PCDH9: variants seen among roughly 807,000 people sequenced by gnomAD.
The protein encoded by PCDH9 is protocadherin-9.
Under a neutral mutation model 70.6 loss-of-function variants are expected in PCDH9, and 24 were observed. That is an observed-to-expected ratio of 0.34 (90% CI 0.25 to 0.48). The LOEUF is 0.48. PCDH9 is among the 20% of genes least tolerant of loss of function. PCDH9 has a pLI of 0.99. For synonymous variants in PCDH9, 562 were observed against 558.5 expected (o/e 1.01, Z -0.09); for missense variants, 1,281 against 1,503.6 (o/e 0.85, Z 2.45).
chr13:66,807,273 C>T (rs563157771), intron 3 of PCDH9, among the ~76,000 whole-genome samples: 4 of 152,122 alleles, frequency 2.6e-5, no homozygotes, highest in Non-Finnish European at 5.9e-5. Flanking sequence ...ATCATTCCAG[C>T]CTACAGATTC....
At position 67,227,931 on chromosome 13, in the gene PCDH9, G is replaced by A; in HGVS notation, c.510C>T (p.Asp170=). The change falls in exon 2 of 5, where the codon GAC becomes GAT. Residue 170 remains aspartate, a synonymous_variant. Coordinates refer to ENST00000377865, the MANE Select transcript of PCDH9 (RefSeq NM_203487.3). This position sits in a 1 kb window ranked among gnomAD's most constrained non-coding sequence, Gnocchi z 4.6. ...AATGCTGTACACCATTGAAGCCTGT[G>A]TCAGGATCTGTTGCTGATGGAATTG... ...RFPIPSATDP[D]TGFNGVQHYE... 1 of 1,614,108 alleles carries A rather than the reference G, an allele frequency of 6.2e-7. No homozygotes were observed. The highest frequency in any genetic ancestry group is 1.1e-5 in the South Asian group (1 of 91,086).
intron 3 of PCDH9, among the ~76,000 whole-genome samples, chr13:66,715,112 G>A (rs1338292267): frequency 2.0e-5 from 3 of 152,094 alleles, no homozygotes; most frequent in Non-Finnish European, 1.5e-5. Flanking sequence ...GATTGTACCT[G>A]TCATATCTAG....
At chr13:66,618,020 T>G (rs2077379759) in intron 4 of PCDH9, among the ~76,000 whole-genome samples, 1 of 152,064 alleles carries the variant, frequency 6.6e-6, no homozygotes, top group Non-Finnish European at 1.5e-5. Context: ...CTCGGGAAGT[T>G]CATGTTTGTA....
intron 3 of PCDH9, among the ~76,000 whole-genome samples, chr13:66,754,951 G>A (rs547472186): frequency 6.6e-6 from 1 of 152,102 alleles, no homozygotes; most frequent in South Asian, 2.1e-4. Flanking sequence ...CTTATCAACA[G>A]GGAAAAAATT....
At chr13:66,824,651 GATATATATATATATATAT>G (rs67211029) in intron 3 of PCDH9, among the ~76,000 whole-genome samples, 67 of 99,074 alleles carry the variant, frequency 6.8e-4, no homozygotes, top group South Asian at 2.1e-3. Flanking sequence ...GCGAAACTCT[GATATATATATATATATAT>G]ATATATATAT....
At chr13:66,949,028 A>G (rs2083135664) in intron 2 of PCDH9, among the ~76,000 whole-genome samples, 1 of 152,042 alleles carries the variant, frequency 6.6e-6, no homozygotes, top group African/African-American at 2.4e-5. Flanking sequence ...ACTTCTCTTA[A>G]TCTTTTCAGT....
chr13:66,605,594 A>G (rs2077212972), intron 4 of PCDH9, among the ~76,000 whole-genome samples: 1 of 152,206 alleles, frequency 6.6e-6, no homozygotes, highest in African/African-American at 2.4e-5. Flanking sequence ...TGTTCTGTTC[A>G]GCCTTCAGCT....
intron 4 of PCDH9, among the ~76,000 whole-genome samples, chr13:66,481,198 A>G (rs562043420): frequency 6.6e-6 from 1 of 152,080 alleles, no homozygotes; most frequent in East Asian, 1.9e-4. Context: ...AGAAATACCT[A>G]ATGCAAATGA....
chr13:67,069,225 T>C (rs932941923), intron 2 of PCDH9, among the ~76,000 whole-genome samples: 3 of 152,124 alleles, frequency 2.0e-5, no homozygotes, highest in African/African-American at 7.2e-5. Flanking sequence ...ACTACAAATA[T>C]GCTTTTTCAA....
chr13:67,107,103 C>G (rs916142388), intron 2 of PCDH9, among the ~76,000 whole-genome samples: 5 of 152,164 alleles, frequency 3.3e-5, no homozygotes, highest in African/African-American at 1.2e-4. Context: ...CCTTCAAGCC[C>G]ATGTCAGCCT....
At chr13:66,898,863 T>C (rs948786129) in intron 3 of PCDH9, among the ~76,000 whole-genome samples, 13 of 152,120 alleles carry the variant, frequency 8.5e-5, no homozygotes, top group African/African-American at 2.9e-4. Flanking sequence ...CTGAGCCCCG[T>C]TGTACTCTAG....
intron 4 of PCDH9, among the ~76,000 whole-genome samples, chr13:66,435,524 GGA>G (rs1272495310): frequency 6.6e-6 from 1 of 152,112 alleles, no homozygotes; most frequent in East Asian, 1.9e-4. Flanking sequence ...ATATGTTAAA[GGA>G]GTGATAATAT....
chr13:66,545,154 G>T (rs1271087052), intron 4 of PCDH9, among the ~76,000 whole-genome samples: 1 of 152,046 alleles, frequency 6.6e-6, no homozygotes, highest in Non-Finnish European at 1.5e-5. Flanking sequence ...TCCTTTATTT[G>T]ATTTGCATGT....
intron 4 of PCDH9, among the ~76,000 whole-genome samples, chr13:66,389,239 A>G (rs1956979512): frequency 6.6e-6 from 1 of 152,154 alleles, no homozygotes; most frequent in Non-Finnish European, 1.5e-5. Flanking sequence ...ATCATTTTCT[A>G]TTCTCCAATA....
intron 3 of PCDH9, among the ~76,000 whole-genome samples, chr13:66,684,011 A>G (rs1382731356): frequency 1.3e-5 from 2 of 152,202 alleles, no homozygotes; most frequent in African/African-American, 4.8e-5. Context: ...TAGAGCATAC[A>G]CTTCCAGGGA....
rs372602815 is a variant in PCDH9, at chr13:67,138,382, C to T, written c.3036+87023G>A. Among the ~76,000 whole-genome samples the T allele has an allele frequency of 1.1e-4, 16 of 152,120 alleles. No homozygotes were observed. The South Asian group carries it at 1.5e-3, about 14-fold the overall frequency. The stretch of plus-strand genomic sequence containing the variant: ...GGAAATATTAAAAATATTATTATAA[C>T]GGGTTTTGTTTGTTCATGCTTTATT... On this transcript the variant is annotated intron_variant, in intron 2 of 4. Coordinates refer to ENST00000377865, the MANE Select transcript of PCDH9 (RefSeq NM_203487.3).
At chr13:67,128,678 G>C (rs1396872977) in intron 2 of PCDH9, among the ~76,000 whole-genome samples, 1 of 152,140 alleles carries the variant, frequency 6.6e-6, no homozygotes, top group Non-Finnish European at 1.5e-5. Flanking sequence ...GTGGAAGGTA[G>C]GAAGTAGAGC....
At position 66,974,580 on chromosome 13, in the gene PCDH9, A is replaced by C. The variant is rs555199861; in HGVS notation, c.3037-70975T>G. Among the ~76,000 whole-genome samples, 61 of 152,094 alleles carry C rather than the reference A, an allele frequency of 4.0e-4. 2 individuals carry two copies. The South Asian group carries it at 0.012, about 30-fold the overall frequency. On this transcript the variant is annotated intron_variant, in intron 2 of 4. Transcript: ENST00000377865. The stretch of plus-strand genomic sequence containing the variant: ...TTCTGAAGGCATTTTCCCATACTAC[A>C]GTTATGTATTAGTAATATTCTATAG...
chr13:66,866,099 T>A (rs1031328895), intron 3 of PCDH9, among the ~76,000 whole-genome samples: 1 of 152,304 alleles, frequency 6.6e-6, no homozygotes, highest in East Asian at 1.9e-4. Context: ...GGAATAAATA[T>A]GTGCACACAA....
Sources: gnomAD v4.1 joint callset for allele counts (sites outside exome capture counted in the v4.1 genomes callset) on GRCh38, gnomAD v4.1.1 for gene constraint, Gnocchi (gnomAD v3.1) non-coding constraint, MANE v1.5 for transcripts, NCBI Gene and HGNC (gene_info 2026-07-23, HGNC 2026-07-21) for gene names.